The following SOX5 variants were observed in gnomAD, a reference collection of about 807,000 sequenced individuals.
SOX5 encodes the protein transcription factor SOX-5.
SOX5 carries 9 observed loss-of-function variants against 92.0 expected under a neutral mutation model. That is an observed-to-expected ratio of 0.10 (90% CI 0.06 to 0.17). The LOEUF (loss-of-function observed/expected upper bound fraction) is 0.17. SOX5 is among the 10% of genes least tolerant of loss of function. The pLI is 1.00. For missense variants in SOX5, 642 were observed against 944.5 expected (o/e 0.68, Z 4.20); for synonymous variants, 344 against 336.3 (o/e 1.02, Z -0.25).
intron 3 of SOX5, among the ~76,000 whole-genome samples, chr12:23,802,646 A>C (rs944530720): frequency 7.9e-5 from 12 of 152,096 alleles, no homozygotes; most frequent in African/African-American, 2.4e-4. Context: ...CTTAACCTTT[A>C]TATCTCCCCA....
chr12:24,203,285 T>C (rs560740592), intron 4 of SOX5, among the ~76,000 whole-genome samples: 1 of 152,338 alleles, frequency 6.6e-6, no homozygotes, highest in South Asian at 2.1e-4. Context: ...ACTCCTTCCC[T>C]ACTTTCTGGG....
chr12:23,928,305 C>T (rs1315557250), intron 1 of SOX5, among the ~76,000 whole-genome samples: 1 of 151,980 alleles, frequency 6.6e-6, no homozygotes, highest in Non-Finnish European at 1.5e-5. Flanking sequence ...AGCAGAAATG[C>T]AGATTTTCCT....
chr12:23,748,811 C>T (rs1248594353), intron 4 of SOX5, among the ~76,000 whole-genome samples: 2 of 151,892 alleles, frequency 1.3e-5, no homozygotes, highest in Non-Finnish European at 2.9e-5. Flanking sequence ...CCACTTGAAA[C>T]ATCTAAAAAT....
chr12:23,682,490 T>C (rs770199431), intron 6 of SOX5, among the ~76,000 whole-genome samples: 4 of 151,928 alleles, frequency 2.6e-5, no homozygotes, highest in Non-Finnish European at 5.9e-5. Flanking sequence ...AATTGCTGTG[T>C]TTGTTCTCAT....
chr12:23,955,646 G>C (rs1591779816), upstream of SOX5, among the ~76,000 whole-genome samples: 1 of 151,886 alleles, frequency 6.6e-6, no homozygotes, highest in East Asian at 1.9e-4. Flanking sequence ...AACTCTCCTT[G>C]TGATACACAT....
At chr12:24,209,595 T>C (rs1958372473) in intron 4 of SOX5, among the ~76,000 whole-genome samples, 4 of 152,196 alleles carry the variant, frequency 2.6e-5, no homozygotes. Flanking sequence ...TGAAAACTTT[T>C]TGGTAAATAC....
intron 4 of SOX5, among the ~76,000 whole-genome samples, chr12:23,980,974 T>C (rs146966719): frequency 6.6e-6 from 1 of 152,270 alleles, no homozygotes; most frequent in Non-Finnish European, 1.5e-5. Flanking sequence ...CACATCTTCT[T>C]GTGTAGAGTG....
chr12:23,920,373 T>G (rs1937818917), intron 1 of SOX5: 1 of 152,212 alleles, frequency 6.6e-6, no homozygotes, highest in Non-Finnish European at 1.5e-5. Flanking sequence ...ACTTTAAGAC[T>G]GCCTATTACA....
At chr12:23,730,866 A>T (rs2093364695) in intron 6 of SOX5, among the ~76,000 whole-genome samples, 3 of 152,162 alleles carry the variant, frequency 2.0e-5, no homozygotes, top group Admixed American at 2.0e-4. Flanking sequence ...GATTAATTAT[A>T]CGTGTCCAGT....
chr12:23,970,815 C>T (rs1948138368), intron 4 of SOX5, among the ~76,000 whole-genome samples: 2 of 37,214 alleles, frequency 5.4e-5, no homozygotes, highest in South Asian at 3.0e-3. Context: ...ATTGCTAGGT[C>T]ACATGGGACT....
chr12:24,077,087 T>C (rs911740763), intron 4 of SOX5, among the ~76,000 whole-genome samples: 1 of 152,166 alleles, frequency 6.6e-6, no homozygotes, highest in Non-Finnish European at 1.5e-5. Flanking sequence ...ACATTCTAAA[T>C]AATTCACTTT....
At chr12:24,112,521 CTTTT>C (rs139323766) in intron 4 of SOX5, among the ~76,000 whole-genome samples, 16 of 75,690 alleles carry the variant, frequency 2.1e-4, no homozygotes, top group South Asian at 1.3e-3. Context: ...TTCAAGGTTC[CTTTT>C]TTTTTTTTTT....
chr12:23,661,705 T>C (rs2083073800), intron 7 of SOX5, among the ~76,000 whole-genome samples: 1 of 152,186 alleles, frequency 6.6e-6, no homozygotes, highest in African/African-American at 2.4e-5. Flanking sequence ...ATAAATAGTT[T>C]AGGATACTAC....
chr12:23,772,028 G>T (rs2094950488), intron 3 of SOX5, among the ~76,000 whole-genome samples: 1 of 152,166 alleles, frequency 6.6e-6, no homozygotes, highest in African/African-American at 2.4e-5. Flanking sequence ...AGTTCAAGAA[G>T]ACATGAAATT....
chr12:23,648,364 C>G lies in SOX5; in HGVS notation c.932-7467G>C, dbSNP rs892078795. ...TCCTTTATGTGAAAGTTTATATAAG[C>G]TAAATACTTTTTATATGTGTCATGG... On this transcript the variant is annotated intron_variant, in intron 7 of 14. Coordinates refer to ENST00000451604, the MANE Select transcript of SOX5 (RefSeq NM_006940.6). Among the ~76,000 whole-genome samples, 3 of 152,096 alleles carry G rather than the reference C, an allele frequency of 2.0e-5. No individual in the cohort carries two copies. In the East Asian group the frequency reaches 5.8e-4, roughly 29 times the overall value.
intron 3 of SOX5, among the ~76,000 whole-genome samples, chr12:24,256,481 C>T (rs1272362978): frequency 3.3e-5 from 5 of 152,170 alleles, no homozygotes; most frequent in African/African-American, 9.6e-5. Context: ...TTTTCCCGGG[C>T]CCTTCTCCTT....
At chr12:24,268,148 C>A (rs1193805289) in intron 3 of SOX5, among the ~76,000 whole-genome samples, 1 of 152,104 alleles carries the variant, frequency 6.6e-6, no homozygotes, top group Non-Finnish European at 1.5e-5. Flanking sequence ...CAAAAGTGTG[C>A]TAGTAAAACT....
chr12:24,363,405 CTG>C (rs1955816778), intron 2 of SOX5, among the ~76,000 whole-genome samples: 1 of 152,076 alleles, frequency 6.6e-6, no homozygotes, highest in East Asian at 1.9e-4. Context: ...TTGATTGCCT[CTG>C]TATACATCTC....
chr12:23,740,520 C>G (rs559243281), intron 5 of SOX5, among the ~76,000 whole-genome samples: 13 of 152,174 alleles, frequency 8.5e-5, no homozygotes, highest in Non-Finnish European at 1.6e-4. Context: ...AAGCATATCT[C>G]AAATGTCAGC....
Sources: allele counts gnomAD v4.1 joint callset (sites outside exome capture counted in the v4.1 genomes callset), GRCh38; gene constraint gnomAD v4.1.1; transcripts MANE v1.5; gene names NCBI Gene and HGNC (gene_info 2026-07-23, HGNC 2026-07-21).